The following LINGO3 variants were observed in gnomAD, a reference collection of about 807,000 sequenced individuals.
The protein encoded by LINGO3 is leucine-rich repeat and immunoglobulin-like domain-containing nogo receptor-interacting protein 3.
For synonymous variants in LINGO3, 427 were observed against 444.2 expected (o/e 0.96, Z 0.49); for missense variants, 750 against 867.7 (o/e 0.86, Z 1.70).
upstream of LINGO3, among the ~76,000 whole-genome samples, chr19:2,295,996 G>A (rs1264651742): frequency 6.6e-6 from 1 of 152,028 alleles, no homozygotes. Context: ...AGGAAGGGAG[G>A]GAGCGAGAGA....
rs1387427207 is a variant in LINGO3, at chr19:2,291,424, G to T, written c.353C>A (p.Pro118Gln). The T allele has an allele frequency of 1.2e-6, 2 of 1,613,386 alleles. No individual in the cohort carries two copies. The highest frequency in any genetic ancestry group is 1.7e-6 in the Non-Finnish European group (2 of 1,179,698). ...GTCCAGGCGCGTGAAGACCCCGGGC[G>T]GGATGAGCTTCAGCTGGTTGCCACG... Residue 118 changes from proline (P) to glutamine (Q), a missense_variant, in exon 1 of 1, where the codon CCG becomes CAG. By Grantham distance (76) the Pro-to-Gln change is moderately conservative. Coordinates refer to ENST00000585527, the Ensembl canonical transcript of LINGO3.
the LINGO3 span, among the ~76,000 whole-genome samples, chr19:2,302,472 TGAC>T: frequency 1.3e-5 from 2 of 152,282 alleles, no homozygotes; most frequent in South Asian, 4.1e-4. Flanking sequence ...TGTCCTCGGG[TGAC>T]GTCACCTCCT....
chr19:2,299,125 C>T, the LINGO3 span, among the ~76,000 whole-genome samples: 6 of 152,292 alleles, frequency 3.9e-5, no homozygotes, highest in Middle Eastern at 3.4e-3. Flanking sequence ...TGATCCCTCG[C>T]GCCCAGCAGG....
chr19:2,287,878 G>A (rs2025480848), downstream of LINGO3, among the ~76,000 whole-genome samples: 2 of 152,212 alleles, frequency 1.3e-5, no homozygotes, highest in Non-Finnish European at 2.9e-5. The surrounding 1 kb of genome is among the most constrained non-coding windows in gnomAD (Gnocchi z 4.5). Context: ...TGGAGGGTCT[G>A]TCCTAACCTC....
upstream of LINGO3, among the ~76,000 whole-genome samples, chr19:2,292,399 C>CAAA (rs1156254881): frequency 9.4e-5 from 4 of 42,588 alleles, no homozygotes; most frequent in Non-Finnish European, 1.8e-4. Context: ...AACCCTGTCT[C>CAAA]AAAAAAAAAA....
rs989815570 is a variant in LINGO3, at chr19:2,291,458, G to A, written c.319C>T (p.Leu107=). 3 of 1,612,966 alleles carry A rather than the reference G, an allele frequency of 1.9e-6. No homozygotes were observed. The African/African-American group carries it at 4.0e-5, about 22-fold the overall frequency. Residue 107 remains leucine (L), a synonymous_variant, in exon 1 of 1, where the codon CTG becomes TTG. Coordinates refer to ENST00000585527, the Ensembl canonical transcript of LINGO3. Reference sequence around the variant, plus strand: ...TTCAGCTGGTTGCCACGGAGACGCAGGACGCGCAGGCGCGGCAGGTTGGCG... The same window carrying A: ...TTCAGCTGGTTGCCACGGAGACGCAAGACGCGCAGGCGCGGCAGGTTGGCG...
chr19:2,297,592 C>G, the LINGO3 span, among the ~76,000 whole-genome samples: 1 of 150,616 alleles, frequency 6.6e-6, no homozygotes, highest in Non-Finnish European at 1.5e-5. Flanking sequence ...CATAAGCCAC[C>G]GCACCCGGCC....
upstream of LINGO3, among the ~76,000 whole-genome samples, chr19:2,295,606 G>C (rs2025565274): frequency 6.6e-6 from 1 of 152,072 alleles, no homozygotes; most frequent in East Asian, 1.9e-4. Flanking sequence ...CGTGGTGATG[G>C]GCGCCTGTAA....
Position 2,290,619 on chromosome 19 carries a change from G to C in LINGO3, c.1158C>G (p.Arg386=). Residue 386 remains arginine, a synonymous_variant, in exon 1 of 1, where the codon CGC becomes CGG. Transcript: ENST00000585527. This position sits in a 1 kb window ranked among gnomAD's most constrained non-coding sequence, Gnocchi z 6.0. ...CCGGCAGGTTTCGCAGCGCGTCGCC[G>C]CGCACCTCGGCCGGGGTGGCGCAGG... 2 of 1,592,772 alleles carry C rather than the reference G, an allele frequency of 1.3e-6. No individual in the cohort carries two copies. Among genetic ancestry groups the C allele is most frequent in the Non-Finnish European group, 1.7e-6 (2 of 1,173,772 alleles).
chr19:2,291,886 G>A (rs536666962), exon 1 of LINGO3: 18 of 945,814 alleles, frequency 1.9e-5, no homozygotes, highest in Non-Finnish European at 2.7e-5. Flanking sequence ...CGCCTCTGCC[G>A]CCAGCCCGCC....
At position 2,290,893 on chromosome 19, in the gene LINGO3, C is replaced by T. The variant is rs780471381; in HGVS notation, c.884G>A (p.Arg295His). The T allele has an allele frequency of 5.0e-6, 8 of 1,611,042 alleles. No individual in the cohort carries two copies. In the Admixed American group the frequency reaches 1.0e-4, roughly 20 times the overall value. ...CCCGGCCAGGTGCAGCTCGCGCAGGCGGACCAGGTCCCGGAACGACCCCCG... is the reference window on the plus strand; with the variant it reads ...CCCGGCCAGGTGCAGCTCGCGCAGGTGGACCAGGTCCCGGAACGACCCCCG... Residue 295 changes from arginine to histidine, a missense_variant, in exon 1 of 1, where the codon CGC becomes CAC. Transcript: ENST00000585527. This position sits in a 1 kb window ranked among gnomAD's most constrained non-coding sequence, Gnocchi z 6.0.
chr19:2,288,925 C>A (rs1195077522), downstream of LINGO3, among the ~76,000 whole-genome samples: 2 of 150,516 alleles, frequency 1.3e-5, no homozygotes, highest in African/African-American at 4.9e-5. This position sits in a 1 kb window ranked among gnomAD's most constrained non-coding sequence, Gnocchi z 6.5. Context: ...GTGGTCAGCT[C>A]TGGTGCCCAG....
chr19:2,291,497 C>A lies in LINGO3; in HGVS notation c.280G>T (p.Glu94Ter), dbSNP rs748956241. The A allele has an allele frequency of 3.7e-6, 6 of 1,611,598 alleles. No individual in the cohort carries two copies. Among genetic ancestry groups the A allele is most frequent in the Non-Finnish European group, 5.1e-6 (6 of 1,179,130 alleles). The change falls in exon 1 of 1, where the codon GAG (glutamate) becomes TAG (stop). Residue 94 changes from glutamate (E) to a stop codon, truncating the protein, a stop_gained. Coordinates refer to ENST00000585527, the Ensembl canonical transcript of LINGO3. LOFTEE classifies it low-confidence loss of function (END_TRUNC). ...GGCAGGTTGGCGAAGGCGCCGGGCT[C>A]CACGTGCGCGATGGCGTTCTCGCTC... is the stretch of plus-strand genomic sequence containing the variant.
At chr19:2,292,153 A>G, upstream of LINGO3, 1 of 278,484 alleles carries the variant, frequency 3.6e-6, no homozygotes, top group South Asian at 2.9e-5. Flanking sequence ...GTGCCACTGC[A>G]CTCCAGCCTG....
At chr19:2,296,607 T>A (rs1337719534), upstream of LINGO3, among the ~76,000 whole-genome samples, 1 of 151,902 alleles carries the variant, frequency 6.6e-6, no homozygotes, top group Non-Finnish European at 1.5e-5. Flanking sequence ...GCCTCCCAAG[T>A]AGCTGGGGTT....
At position 2,290,341 on chromosome 19, in the gene LINGO3, G is replaced by A. The variant is rs902288307; in HGVS notation, c.1436C>T (p.Thr479Met). The A allele has an allele frequency of 5.9e-6, 9 of 1,535,238 alleles. No individual in the cohort carries two copies. In the African/African-American group the frequency reaches 7.0e-5, roughly 12 times the overall value. The change falls in exon 1 of 1, where the codon ACG (threonine) becomes ATG (methionine). Residue 479 changes from threonine to methionine, a missense_variant. Physicochemically the swap from Thr to Met is moderately conservative, Grantham distance 81. Transcript: ENST00000585527. The surrounding 1 kb of genome is among the most constrained non-coding windows in gnomAD (Gnocchi z 6.0). ...GCCGCCCGCGTTGCTGGCCACGCAC[G>A]TGTAGGTGCCGCTGTCCTGCGGCCG...
At chr19:2,303,876 A>C in the LINGO3 span, among the ~76,000 whole-genome samples, 316 of 152,352 alleles carry the variant, frequency 2.1e-3, 1 homozygote, top group African/African-American at 7.4e-3. Context: ...AGCCAGGACA[A>C]GAACTCACGG....
chr19:2,291,999 C>T, exon 1 of LINGO3: 1 of 561,298 alleles, frequency 1.8e-6, no homozygotes, highest in Non-Finnish European at 3.3e-6. Context: ...CCAGCCTGCA[C>T]AACATAGCAA....
At chr19:2,296,682 T>A (rs979232865), upstream of LINGO3, among the ~76,000 whole-genome samples, 1 of 151,278 alleles carries the variant, frequency 6.6e-6, no homozygotes, top group African/African-American at 2.4e-5. Flanking sequence ...TTTCACCATG[T>A]GGGCCAGGTT....
Sources: gnomAD v4.1 joint callset for allele counts (sites outside exome capture counted in the v4.1 genomes callset) on GRCh38, gnomAD v4.1.1 for gene constraint, Gnocchi (gnomAD v3.1) non-coding constraint, MANE v1.5 for transcripts, NCBI Gene and HGNC (gene_info 2026-07-23, HGNC 2026-07-21) for gene names.